Variants in TMEM117 observed in about 807,000 individuals in gnomAD.
TMEM117 encodes transmembrane protein 117.
Under a neutral mutation model 52.4 loss-of-function variants are expected in TMEM117, and 27 were observed. That is an observed-to-expected ratio of 0.51 (90% CI 0.38 to 0.71). TMEM117 has a LOEUF of 0.71. Among genes scored for constraint, TMEM117 ranks in the 30% least tolerant of loss-of-function variants. TMEM117 has a pLI of 0.00. For missense variants in TMEM117, 556 were observed against 630.5 expected, an observed-to-expected ratio of 0.88 and a Z score of 1.26; for synonymous variants, 215 against 206.3, an observed-to-expected ratio of 1.04 and a Z score of -0.36.
chr12:43,829,616 T>G, the TMEM117 span, among the ~76,000 whole-genome samples: 1 of 152,204 alleles, frequency 6.6e-6, no homozygotes, highest in Non-Finnish European at 1.5e-5. Context: ...AAAAGATCAT[T>G]TGTTTTTGAA....
At chr12:43,853,185 C>A (rs1048912755) in intron 2 of TMEM117, among the ~76,000 whole-genome samples, 2 of 152,156 alleles carry the variant, frequency 1.3e-5, no homozygotes, top group African/African-American at 4.8e-5. Flanking sequence ...ATTTTCAGTG[C>A]CTAAAACAAT....
At chr12:44,046,932 C>T (rs1316434370) in intron 3 of TMEM117, among the ~76,000 whole-genome samples, 2 of 151,794 alleles carry the variant, frequency 1.3e-5, no homozygotes, top group Non-Finnish European at 2.9e-5. Flanking sequence ...TAATTATGAC[C>T]TCATTATTGT....
intron 1 of TMEM117, among the ~76,000 whole-genome samples, chr12:43,843,893 A>G (rs947024124): frequency 1.3e-5 from 2 of 152,236 alleles, no homozygotes; most frequent in Non-Finnish European, 2.9e-5. Flanking sequence ...ACATTTGTCA[A>G]TGTTTAGAAG....
chr12:44,197,342 C>T (rs1425571523), intron 4 of TMEM117, among the ~76,000 whole-genome samples: 1 of 152,088 alleles, frequency 6.6e-6, no homozygotes, highest in Non-Finnish European at 1.5e-5. Context: ...GTATATCGTA[C>T]ATAATTACTT....
intron 4 of TMEM117, among the ~76,000 whole-genome samples, chr12:44,154,747 A>G (rs2138236928): frequency 6.6e-6 from 1 of 151,798 alleles, no homozygotes; most frequent in African/African-American, 2.4e-5. Flanking sequence ...TTTTCCCCCA[A>G]ACAATATGCT....
At chr12:44,216,198 G>T (rs1277514589) in intron 5 of TMEM117, among the ~76,000 whole-genome samples, 2 of 151,626 alleles carry the variant, frequency 1.3e-5, no homozygotes, top group Non-Finnish European at 2.9e-5. Context: ...AGAAGAGAGG[G>T]AGTTTCACCA....
At chr12:44,246,445 A>G (rs1042715351) in intron 5 of TMEM117, among the ~76,000 whole-genome samples, 9 of 152,068 alleles carry the variant, frequency 5.9e-5, no homozygotes, top group African/African-American at 2.2e-4. Context: ...TGAAAAATGT[A>G]TTTTTCGCTG....
chr12:44,049,189 A>G (rs561996628), intron 3 of TMEM117, among the ~76,000 whole-genome samples: 1 of 152,326 alleles, frequency 6.6e-6, no homozygotes, highest in South Asian at 2.1e-4. Context: ...GATAGACTGG[A>G]TAAAGCAAAT....
intron 6 of TMEM117, 166 bp from the exon 7 acceptor site, chr12:44,376,429 A>G: frequency 1.3e-6 from 1 of 794,240 alleles, no homozygotes; most frequent in South Asian, 1.5e-5. Flanking sequence ...GCATACTGCT[A>G]CCTAATGTAC....
At chr12:44,216,341 C>A (rs1949718636) in intron 5 of TMEM117, among the ~76,000 whole-genome samples, 1 of 152,070 alleles carries the variant, frequency 6.6e-6, no homozygotes, top group Admixed American at 6.6e-5. Flanking sequence ...ATTGTGGAAG[C>A]CTGTGTCTAG....
intron 3 of TMEM117, among the ~76,000 whole-genome samples, chr12:44,098,115 C>T (rs1266443655): frequency 6.6e-6 from 1 of 151,966 alleles, no homozygotes; most frequent in Non-Finnish European, 1.5e-5. Context: ...ATAGAATATG[C>T]ATTGGTCAGC....
chr12:44,218,446 TA>T (rs1949747476), intron 5 of TMEM117, among the ~76,000 whole-genome samples: 2 of 152,076 alleles, frequency 1.3e-5, no homozygotes, highest in Non-Finnish European at 2.9e-5. Flanking sequence ...CTTTTCATGA[TA>T]AAAACTCTAC....
intron 3 of TMEM117, among the ~76,000 whole-genome samples, chr12:44,129,719 A>G (rs137879732): frequency 8.5e-4 from 130 of 152,292 alleles, no homozygotes; most frequent in African/African-American, 2.9e-3. Flanking sequence ...CTATACCATC[A>G]CTTTCCCCTT....
intron 3 of TMEM117, among the ~76,000 whole-genome samples, chr12:44,045,209 A>T (rs1565805514): frequency 6.6e-6 from 1 of 152,218 alleles, no homozygotes; most frequent in Non-Finnish European, 1.5e-5. Context: ...ACATGGGCTC[A>T]GCAACAACGA....
intron 4 of TMEM117, among the ~76,000 whole-genome samples, chr12:44,184,715 C>A (rs376994310): frequency 7.9e-5 from 12 of 152,176 alleles, no homozygotes; most frequent in Admixed American, 5.2e-4. Flanking sequence ...GAAAGGAACT[C>A]AGCTCTGCTT....
At chr12:44,210,407 G>A (rs892965846) in intron 4 of TMEM117, among the ~76,000 whole-genome samples, 5 of 152,050 alleles carry the variant, frequency 3.3e-5, no homozygotes, top group African/African-American at 1.2e-4. Flanking sequence ...ATGTGATGTG[G>A]TAGATGAGAA....
At chr12:44,374,415 G>A (rs1012867409) in intron 6 of TMEM117, among the ~76,000 whole-genome samples, 1 of 151,876 alleles carries the variant, frequency 6.6e-6, no homozygotes, top group Non-Finnish European at 1.5e-5. Flanking sequence ...TTCTTACATG[G>A]CACCACCTGC....
intron 3 of TMEM117, among the ~76,000 whole-genome samples, chr12:44,075,258 A>C (rs1947363850): frequency 6.6e-6 from 1 of 152,216 alleles, no homozygotes. Context: ...GGTGGCTTCA[A>C]ATCTAGGAGC....
intron 5 of TMEM117, among the ~76,000 whole-genome samples, chr12:44,245,029 G>A (rs1216787810): frequency 2.0e-5 from 3 of 151,984 alleles, no homozygotes. Flanking sequence ...TAGGCTGTCT[G>A]TTCTGTTCCA....
Sources: allele counts gnomAD v4.1 joint callset (sites outside exome capture counted in the v4.1 genomes callset), GRCh38; gene constraint gnomAD v4.1.1; transcripts MANE v1.5; gene names NCBI Gene and HGNC (gene_info 2026-07-23, HGNC 2026-07-21).